The following KLF15 variants were observed in gnomAD, a reference collection of about 807,000 sequenced individuals.
KLF15 encodes the protein KLF transcription factor 15, also known as Krueppel-like factor 15.
Under a neutral mutation model 24.6 loss-of-function variants are expected in KLF15, and 4 were observed. The observed-to-expected ratio is 0.16, with a 90% CI of 0.08 to 0.37. The LOEUF is 0.37. KLF15 is among the 10% of genes least tolerant of loss of function. The pLI is 1.00. For synonymous variants in KLF15, 246 were observed against 236.3 expected, an observed-to-expected ratio of 1.04 and a Z score of -0.37; for missense variants, 496 against 560.6, an observed-to-expected ratio of 0.88 and a Z score of 1.16.
At chr3:126,341,168 A>G (rs541011932), downstream of KLF15, among the ~76,000 whole-genome samples, 1 of 152,260 alleles carries the variant, frequency 6.6e-6, no homozygotes, top group Non-Finnish European at 1.5e-5. Context: ...CATCCCGGGG[A>G]GGTGCACCAT....
At chr3:126,354,617 G>A (rs1425550862) in intron 1 of KLF15, among the ~76,000 whole-genome samples, 2 of 152,196 alleles carry the variant, frequency 1.3e-5, no homozygotes, top group East Asian at 1.9e-4. Context: ...GTTTTACTAG[G>A]AGGACATTTG....
the KLF15 span, among the ~76,000 whole-genome samples, chr3:126,301,495 A>G: frequency 1.3e-5 from 2 of 152,096 alleles, no homozygotes; most frequent in African/African-American, 4.8e-5. Context: ...CACTATAGGA[A>G]TAATAAAACA....
Position 126,343,404 on chromosome 3 carries a change from C to T in KLF15, c.*323G>A, listed in dbSNP as rs966369706. ...TGGGGGAGCCCAGTGGGAGAAGGGCCAGGTCCCCAAAACTCTGCCTGCAAC... is the reference window on the plus strand; with the variant it reads ...TGGGGGAGCCCAGTGGGAGAAGGGCTAGGTCCCCAAAACTCTGCCTGCAAC... On this transcript the variant is annotated 3_prime_UTR_variant, in exon 3 of 3. Coordinates refer to ENST00000296233, the MANE Select transcript of KLF15 (RefSeq NM_014079.4). 4.0e-5 allele frequency: 13 copies of T among 322,240 alleles called. No homozygotes were observed. Among genetic ancestry groups the T allele is most frequent in the Non-Finnish European group, 6.2e-5 (11 of 176,602 alleles). The allele number at this position is 322,240 out of a possible 1,614,324, so 20.0% of individuals were successfully genotyped here. A position where few individuals can be genotyped will look rare whatever the true frequency, so the allele number is the denominator to read the frequency against.
chr3:126,343,890 G>C lies in KLF15; in HGVS notation c.1088C>G (p.Ser363Trp). 3.1e-6 allele frequency: 5 copies of C among 1,588,750 alleles called. No individual in the cohort carries two copies. Among genetic ancestry groups the C allele is most frequent in the Non-Finnish European group, 3.4e-6 (4 of 1,168,274 alleles). ...GTGCCGCGACAGCTCGTCAGAGCGC[G>C]AGAACCTGCGGGACATGGCGCGGTC... ...CTWPGCGWRF[S>W]RSDELSRHRR... The change falls in exon 3 of 3, where the codon TCG becomes TGG. Residue 363 changes from serine to tryptophan, a missense_variant. Physicochemically the swap from Ser to Trp is radical, Grantham distance 177. Around this residue, in one of 3 missense-constraint regions of KLF15, gnomAD observed 59 missense variants for 106.1 expected, o/e 0.56. Coordinates refer to ENST00000296233, the MANE Select transcript of KLF15 (RefSeq NM_014079.4).
the KLF15 span, among the ~76,000 whole-genome samples, chr3:126,300,394 C>T: frequency 7.2e-5 from 11 of 152,334 alleles, 1 homozygote; most frequent in Admixed American, 4.6e-4. Context: ...GTCCTCCCAG[C>T]GGAGACAGGT....
At chr3:126,323,472 G>A in the KLF15 span, among the ~76,000 whole-genome samples, 13 of 35,590 alleles carry the variant, frequency 3.7e-4, no homozygotes, top group African/African-American at 1.5e-3. Context: ...ACATATATAT[G>A]TTATATATAT....
Position 126,352,597 on chromosome 3 carries a change from C to T in KLF15, c.326G>A (p.Arg109Gln), listed in dbSNP as rs776079883. The T allele has an allele frequency of 8.7e-6, 14 of 1,611,174 alleles. No homozygotes were observed. The highest frequency in any genetic ancestry group is 2.2e-5 in the South Asian group (2 of 90,890). ...SSGPVAWGPW[R>Q]RAAAPVKGEH... ...CCCCTTCACAGGGGCCGCTGCCCTTCGCCAGGGCCCCCAGGCCACGGGGCC... is the reference window on the plus strand; with the variant it reads ...CCCCTTCACAGGGGCCGCTGCCCTTTGCCAGGGCCCCCAGGCCACGGGGCC... The change falls in exon 2 of 3, where the codon CGA (arginine) becomes CAA (glutamine). Residue 109 changes from arginine (R) to glutamine (Q), a missense_variant. Arg to Gln is a conservative substitution (Grantham distance 43). Coordinates refer to ENST00000296233, the MANE Select transcript of KLF15 (RefSeq NM_014079.4).
At chr3:126,355,431 A>G (rs900572471) in intron 1 of KLF15, among the ~76,000 whole-genome samples, 16 of 152,262 alleles carry the variant, frequency 1.1e-4, no homozygotes, top group Middle Eastern at 3.4e-3. Flanking sequence ...ACTTCACTTC[A>G]GCCTCAGCCC....
chr3:126,331,254 C>T, the KLF15 span, among the ~76,000 whole-genome samples: 89 of 152,234 alleles, frequency 5.8e-4, no homozygotes, highest in Middle Eastern at 3.4e-3. Flanking sequence ...AGGTATAAGT[C>T]GCAGGCATCT....
At chr3:126,314,311 A>AC in the KLF15 span, among the ~76,000 whole-genome samples, 3 of 152,276 alleles carry the variant, frequency 2.0e-5, no homozygotes, top group East Asian at 5.8e-4. Flanking sequence ...GACCACACAT[A>AC]CAGGGGTGGG....
chr3:126,305,497 G>T, the KLF15 span, among the ~76,000 whole-genome samples: 2 of 152,238 alleles, frequency 1.3e-5, no homozygotes, highest in African/African-American at 4.8e-5. Context: ...AGGAGGAAAA[G>T]AGTAGCCCTC....
chr3:126,343,629 G>T lies in KLF15; in HGVS notation c.*98C>A. ...CTTCAGAAGGTGGGCTGGTAACATT[G>T]CCATGTCCCTCTGGAGGAGGCAAAT... On this transcript the variant is annotated 3_prime_UTR_variant, in exon 3 of 3. Transcript: ENST00000296233. 1 of 1,234,076 alleles carries T rather than the reference G, an allele frequency of 8.1e-7. No homozygotes were observed. Among genetic ancestry groups the T allele is most frequent in the Non-Finnish European group, 1.1e-6 (1 of 873,876 alleles). 76.4% of individuals were successfully genotyped at this position (1,234,076 alleles called of 1,614,324 possible). A position where few individuals can be genotyped will look rare whatever the true frequency, so the allele number is the denominator to read the frequency against.
the KLF15 span, chr3:126,291,279 C>T: frequency 6.6e-6 from 1 of 152,330 alleles, no homozygotes; most frequent in South Asian, 2.1e-4. Flanking sequence ...AGAAGACTTG[C>T]AAAAGACCCC....
chr3:126,323,406 TATATATA>T, the KLF15 span, among the ~76,000 whole-genome samples: 1 of 22,132 alleles, frequency 4.5e-5, no homozygotes, highest in African/African-American at 2.8e-4. Context: ...CCAGTAGTTA[TATATATA>T]TATATATATA....
At chr3:126,346,378 G>GA (rs1452844485) in intron 2 of KLF15, among the ~76,000 whole-genome samples, 1 of 152,170 alleles carries the variant, frequency 6.6e-6, no homozygotes, top group Admixed American at 6.5e-5. Flanking sequence ...AGGGTTTAAA[G>GA]AGGCCAAGTC....
At chr3:126,297,779 A>T in the KLF15 span, among the ~76,000 whole-genome samples, 4 of 152,174 alleles carry the variant, frequency 2.6e-5, no homozygotes, top group African/African-American at 9.7e-5. Context: ...AAAGGCCATT[A>T]TTTCATTCTG....
chr3:126,339,502 T>C (rs1358484596), downstream of KLF15, among the ~76,000 whole-genome samples: 1 of 152,132 alleles, frequency 6.6e-6, no homozygotes, highest in Non-Finnish European at 1.5e-5. Flanking sequence ...AATGCTGCTC[T>C]CTTTGCCTCA....
the KLF15 span, among the ~76,000 whole-genome samples, chr3:126,306,400 C>A: frequency 6.6e-6 from 1 of 152,188 alleles, no homozygotes; most frequent in Non-Finnish European, 1.5e-5. Context: ...TTCCCCACCC[C>A]TAAGATTATT....
the KLF15 span, among the ~76,000 whole-genome samples, chr3:126,309,663 C>T: frequency 2.0e-5 from 3 of 152,232 alleles, no homozygotes; most frequent in South Asian, 2.1e-4. Context: ...TGTCTAACAC[C>T]GTTCCCCAAA....
Sources: gnomAD v4.1 joint callset for allele counts (sites outside exome capture counted in the v4.1 genomes callset) on GRCh38, gnomAD v4.1.1 for gene constraint, gnomAD v4.1.1 regional missense constraint, MANE v1.5 for transcripts, NCBI Gene and HGNC (gene_info 2026-07-23, HGNC 2026-07-21) for gene names.